Variants in NBEAL1 observed in about 807,000 individuals in gnomAD.
NBEAL1 encodes the protein neurobeachin like 1, also known as neurobeachin-like protein 1.
Under a neutral mutation model 351.3 loss-of-function variants are expected in NBEAL1, and 273 were observed. That is an observed-to-expected ratio of 0.78 (90% CI 0.70 to 0.86). The LOEUF is 0.86. NBEAL1 is among the 40% of genes least tolerant of loss of function. The pLI is 0.00. For missense variants in NBEAL1, 2,961 were observed against 3,201.3 expected (o/e 0.92, Z 1.81); for synonymous variants, 1,050 against 1,086.4 (o/e 0.97, Z 0.66).
At position 203,208,608 on chromosome 2, in the gene NBEAL1, T is replaced by G; in HGVS notation, c.7507-29T>G. 3 of 1,517,828 alleles carry G rather than the reference T, an allele frequency of 2.0e-6. No individual in the cohort carries two copies. In the South Asian group the frequency reaches 3.5e-5, roughly 18 times the overall value. The allele number at this position is 1,517,828 out of a possible 1,614,324, so 94.0% of individuals were successfully genotyped here. A position where few individuals can be genotyped will look rare whatever the true frequency, so the allele number is the denominator to read the frequency against. On this transcript the variant is annotated intron_variant, in intron 51 of 55. Coordinates refer to ENST00000683969, the MANE Select transcript of NBEAL1 (RefSeq NM_001378026.1). ...AAAAACAGGAAACAAGAAACCACCT[T>G]TACCTTTGCTTTTCTCTTGTATTAT... is the stretch of plus-strand genomic sequence containing the variant.
At chr2:203,162,019 A>ATTTTTTTT (rs780529337) in intron 36 of NBEAL1, among the ~76,000 whole-genome samples, 2 of 107,224 alleles carry the variant, frequency 1.9e-5, no homozygotes, top group Non-Finnish European at 3.9e-5. Context: ...ATTTGATTTG[A>ATTTTTTTT]TTTTTTTTTT....
intron 42 of NBEAL1, among the ~76,000 whole-genome samples, chr2:203,179,041 G>T (rs1011558563): frequency 8.5e-5 from 13 of 152,136 alleles, no homozygotes; most frequent in African/African-American, 3.1e-4. Context: ...ATTCTGTTAA[G>T]ATCAGCTCTG....
Position 203,138,740 on chromosome 2 carries a change from A to T in NBEAL1, c.4840A>T (p.Asn1614Tyr), listed in dbSNP as rs1428912279. 1.2e-6 allele frequency: 2 copies of T among 1,611,016 alleles called. No homozygotes were observed. Residue 1614 changes from asparagine (N) to tyrosine (Y), a missense_variant, in exon 31 of 56, where the codon AAT becomes TAT. Transcript: ENST00000683969. ...GCTTCTAGGATTCATTGGAAGGGGT[A>T]ATTTGCAGGTTTGTCCATTCTTTTA... ...QLLLGFIGRGNLQVCAMASAK... is the reference protein window; with the variant it reads ...QLLLGFIGRGYLQVCAMASAK...
intron 36 of NBEAL1, among the ~76,000 whole-genome samples, chr2:203,160,766 G>C (rs1220713533): frequency 6.6e-6 from 1 of 152,204 alleles, no homozygotes; most frequent in Non-Finnish European, 1.5e-5. Flanking sequence ...TTAACCGGCT[G>C]TGTGTTGCCA....
intron 12 of NBEAL1, among the ~76,000 whole-genome samples, chr2:203,099,994 G>T (rs762198172): frequency 2.6e-5 from 4 of 152,094 alleles, no homozygotes; most frequent in Non-Finnish European, 5.9e-5. Flanking sequence ...AAAACATGTG[G>T]TATTTGGTTT....
chr2:203,186,907 T>A (rs1313933404), intron 44 of NBEAL1, among the ~76,000 whole-genome samples: 1 of 152,218 alleles, frequency 6.6e-6, no homozygotes, highest in East Asian at 1.9e-4. Context: ...ACACTCTATT[T>A]TCTAGTTGAG....
intron 2 of NBEAL1, among the ~76,000 whole-genome samples, chr2:203,019,159 G>A (rs530196369): frequency 1.3e-5 from 2 of 151,990 alleles, no homozygotes; most frequent in African/African-American, 2.4e-5. Flanking sequence ...CCTCTCTTCT[G>A]GTATCTGGAA....
At chr2:203,070,070 T>A (rs2061655491) in intron 7 of NBEAL1, among the ~76,000 whole-genome samples, 1 of 152,192 alleles carries the variant, frequency 6.6e-6, no homozygotes, top group African/African-American at 2.4e-5. Flanking sequence ...AGGGAAAAAA[T>A]TCAGTCTTTC....
intron 53 of NBEAL1, among the ~76,000 whole-genome samples, chr2:203,209,743 G>GTGTGTGTA (rs2065725153): frequency 6.6e-6 from 1 of 151,560 alleles, no homozygotes; most frequent in African/African-American, 2.4e-5. Flanking sequence ...GTGTGTGTGT[G>GTGTGTGTA]TGTATTTTTT....
At chr2:203,035,172 A>G (rs1455632120) in intron 2 of NBEAL1, among the ~76,000 whole-genome samples, 1 of 149,316 alleles carries the variant, frequency 6.7e-6, no homozygotes, top group East Asian at 1.9e-4. Flanking sequence ...ATGAGAAGCT[A>G]AACGTCTGCT....
In NBEAL1 at chr2:203,072,074, C is replaced by T. The variant is rs375707107; in HGVS notation, c.598+3599C>T. 8.7e-4 allele frequency among the ~76,000 whole-genome samples: 133 copies of T among 152,270 alleles called. 1 individual carries two copies. The highest frequency in any genetic ancestry group is 3.1e-3 in the African/African-American group (127 of 41,552). ...TGACCTGTGGTCCTACCCTTTGAAA[C>T]CAAGGAAGAGGAAACAGCCTTGCCT... On this transcript the variant is annotated intron_variant, in intron 7 of 55. Transcript: ENST00000683969.
intron 33 of NBEAL1, among the ~76,000 whole-genome samples, chr2:203,146,811 G>T (rs1278176474): frequency 6.6e-6 from 1 of 151,966 alleles, no homozygotes; most frequent in Non-Finnish European, 1.5e-5. Context: ...AATAATAATG[G>T]TAATAATAAT....
At chr2:203,131,800 T>C (rs1417721475) in intron 25 of NBEAL1, among the ~76,000 whole-genome samples, 173 bp from the exon 26 acceptor site, 1 of 152,198 alleles carries the variant, frequency 6.6e-6, no homozygotes, top group Non-Finnish European at 1.5e-5. Context: ...AGCATTATTT[T>C]ATTCTATAAG....
intron 2 of NBEAL1, among the ~76,000 whole-genome samples, chr2:203,032,086 G>T (rs1425608836): frequency 6.6e-6 from 1 of 152,156 alleles, no homozygotes; most frequent in African/African-American, 2.4e-5. Context: ...CTACGGAGAG[G>T]CCCATCTTGT....
At chr2:203,082,765 A>G (rs997393775) in intron 8 of NBEAL1, among the ~76,000 whole-genome samples, 2 of 152,206 alleles carry the variant, frequency 1.3e-5, no homozygotes, top group Non-Finnish European at 2.9e-5. Flanking sequence ...CAACTCAATA[A>G]GAACATCAAG....
At chr2:203,174,134 T>A (rs1366419450) in intron 41 of NBEAL1, among the ~76,000 whole-genome samples, 2 of 149,814 alleles carry the variant, frequency 1.3e-5, no homozygotes, top group African/African-American at 2.4e-5. Flanking sequence ...TTTTCACAAT[T>A]CTTGACTGGT....
At chr2:203,213,139 A>G (rs1245153703) in intron 54 of NBEAL1, among the ~76,000 whole-genome samples, 1 of 152,218 alleles carries the variant, frequency 6.6e-6, no homozygotes, top group Non-Finnish European at 1.5e-5. Context: ...TAGATAAATG[A>G]TGAATGTAAT....
At position 203,048,630 on chromosome 2, in the gene NBEAL1, A is replaced by G. The variant is rs534139452; in HGVS notation, c.144-1184A>G. Reference sequence around the variant, plus strand: ...CATGAGGTTGGGTACTTCAGCGTCCATAGGGAACTTCAAAGGTTAAATGAT... The same window carrying G: ...CATGAGGTTGGGTACTTCAGCGTCCGTAGGGAACTTCAAAGGTTAAATGAT... On this transcript the variant is annotated intron_variant, in intron 3 of 55. Transcript: ENST00000683969. Among the ~76,000 whole-genome samples the G allele has an allele frequency of 1.1e-3, 168 of 152,286 alleles. 1 individual carries two copies. The highest frequency in any genetic ancestry group is 2.0e-3 in the Non-Finnish European group (135 of 68,018).
intron 27 of NBEAL1, among the ~76,000 whole-genome samples, chr2:203,133,394 C>T (rs2063119419): frequency 1.3e-5 from 2 of 151,868 alleles, no homozygotes; most frequent in African/African-American, 4.8e-5. Flanking sequence ...AAATGTATTA[C>T]CAGAGAATAA....
Sources: allele counts gnomAD v4.1 joint callset (sites outside exome capture counted in the v4.1 genomes callset), GRCh38; gene constraint gnomAD v4.1.1; transcripts MANE v1.5; gene names NCBI Gene and HGNC (gene_info 2026-07-23, HGNC 2026-07-21).